Variants in KCNIP4 observed in about 807,000 individuals in gnomAD.
KCNIP4 encodes the protein Kv channel-interacting protein 4.
KCNIP4 carries 12 observed loss-of-function variants against 34.0 expected under a neutral mutation model. The observed-to-expected ratio is 0.35, with a 90% CI of 0.23 to 0.57. KCNIP4 has a LOEUF of 0.57. Ranked by LOEUF, KCNIP4 falls within the 20% of genes least tolerant of loss-of-function variation. The probability of loss-of-function intolerance (pLI) is 0.83; values close to 1 mark genes in which losing one functional copy is unlikely to be tolerated. For missense variants in KCNIP4, 238 were observed against 311.7 expected (o/e 0.76, Z 1.78); for synonymous variants, 124 against 102.2 (o/e 1.21, Z -1.29).
At chr4:21,445,064 C>CA (rs1560412677) in intron 1 of KCNIP4, among the ~76,000 whole-genome samples, 1 of 152,154 alleles carries the variant, frequency 6.6e-6, no homozygotes, top group African/African-American at 2.4e-5. Flanking sequence ...ATCCAACTTA[C>CA]AAGGGATGTG....
chr4:21,037,441 C>G (rs1317600146), intron 1 of KCNIP4, among the ~76,000 whole-genome samples: 2 of 152,170 alleles, frequency 1.3e-5, no homozygotes, highest in African/African-American at 2.4e-5. Context: ...CAAATACTTA[C>G]CACTGTGTTA....
intron 1 of KCNIP4, among the ~76,000 whole-genome samples, chr4:21,853,511 C>T (rs1724546015): frequency 1.3e-5 from 2 of 152,056 alleles, no homozygotes; most frequent in African/African-American, 2.4e-5. Flanking sequence ...TCAGTGTTTC[C>T]ATGATCATTT....
At chr4:21,352,683 C>T (rs1718136428) in intron 1 of KCNIP4, among the ~76,000 whole-genome samples, 1 of 152,260 alleles carries the variant, frequency 6.6e-6, no homozygotes, top group South Asian at 2.1e-4. Flanking sequence ...CTATAGATTC[C>T]ACCTCTGTGG....
chr4:21,138,674 C>T (rs1342845356), intron 1 of KCNIP4, among the ~76,000 whole-genome samples: 1 of 151,926 alleles, frequency 6.6e-6, no homozygotes, highest in Non-Finnish European at 1.5e-5. Flanking sequence ...ATGTGATTAC[C>T]TTAAGGATCT....
At chr4:21,629,326 G>T (rs968234902) in intron 1 of KCNIP4, among the ~76,000 whole-genome samples, 1 of 152,178 alleles carries the variant, frequency 6.6e-6, no homozygotes, top group African/African-American at 2.4e-5. Flanking sequence ...TGATTGTATT[G>T]CATCACTGAA....
intron 1 of KCNIP4, among the ~76,000 whole-genome samples, chr4:21,499,493 T>G (rs1434144864): frequency 1.3e-5 from 2 of 152,112 alleles, no homozygotes; most frequent in Non-Finnish European, 2.9e-5. Context: ...TTTTAAATGA[T>G]AGCATAAATG....
intron 1 of KCNIP4, among the ~76,000 whole-genome samples, chr4:20,978,398 G>C (rs1192226362): frequency 6.6e-6 from 1 of 152,166 alleles, no homozygotes; most frequent in Non-Finnish European, 1.5e-5. Flanking sequence ...ATGGCATTCA[G>C]GTCATAATTT....
intron 1 of KCNIP4, among the ~76,000 whole-genome samples, chr4:20,952,513 C>T (rs1732883925): frequency 1.3e-5 from 2 of 151,928 alleles, no homozygotes; most frequent in East Asian, 3.9e-4. Context: ...GTAAATTTTG[C>T]TGAAACAAAA....
chr4:21,198,016 T>C (rs1040844511), intron 1 of KCNIP4, among the ~76,000 whole-genome samples: 6 of 152,126 alleles, frequency 3.9e-5, no homozygotes, highest in African/African-American at 1.4e-4. Flanking sequence ...TAAAAAGAAG[T>C]GTTAACAAGG....
intron 1 of KCNIP4, among the ~76,000 whole-genome samples, chr4:21,209,746 C>T (rs1407379629): frequency 6.6e-6 from 1 of 151,898 alleles, no homozygotes; most frequent in Non-Finnish European, 1.5e-5. Flanking sequence ...GTGTCTTGTA[C>T]AGTGTTGAGA....
chr4:21,151,235 C>G (rs775753183), intron 1 of KCNIP4, among the ~76,000 whole-genome samples: 1 of 151,944 alleles, frequency 6.6e-6, no homozygotes, highest in Non-Finnish European at 1.5e-5. Flanking sequence ...TATCATCAAT[C>G]GAGTCCTAAG....
intron 1 of KCNIP4, among the ~76,000 whole-genome samples, chr4:21,666,499 C>T (rs1029332644): frequency 6.6e-6 from 1 of 152,240 alleles, no homozygotes; most frequent in African/African-American, 2.4e-5. Flanking sequence ...TGTCAGCACA[C>T]GTATTTATAT....
intron 1 of KCNIP4, among the ~76,000 whole-genome samples, chr4:21,356,540 A>C (rs1394913615): frequency 6.6e-6 from 1 of 152,218 alleles, no homozygotes; most frequent in African/African-American, 2.4e-5. Flanking sequence ...ACACAGAGCC[A>C]AATCATGAGT....
intron 1 of KCNIP4, among the ~76,000 whole-genome samples, chr4:21,332,971 C>G (rs184990498): frequency 6.6e-6 from 1 of 152,124 alleles, no homozygotes; most frequent in African/African-American, 2.4e-5. Context: ...CTGTAATACA[C>G]CAAGGTCTTT....
At position 21,198,625 on chromosome 4, in the gene KCNIP4, T is replaced by C. The variant is rs144028921; in HGVS notation, c.62-315916A>G. Among the ~76,000 whole-genome samples, 551 of 152,304 alleles carry C rather than the reference T, an allele frequency of 3.6e-3. 2 individuals carry two copies. The highest frequency in any genetic ancestry group is 0.014 in the Middle Eastern group (4 of 294). On this transcript the variant is annotated intron_variant, in intron 1 of 8. Coordinates refer to ENST00000382152, the MANE Select transcript of KCNIP4 (RefSeq NM_025221.6). ...AAAGTAGGCCTTGGGTCTGGAACAC[T>C]TCCTTACCAAGAGATAGAGTCCTCA...
In KCNIP4 at chr4:21,504,504, A is replaced by AAGG. The variant is rs1560467080; in HGVS notation, c.61+444066_61+444067insCCT. ...GAAAGAAAGAAAGAAAGAAAGAAAG[A>AAGG]AAGGAAGGAAGGAAGAAAGCAAGCA... On this transcript the variant is annotated intron_variant, in intron 1 of 8. Coordinates refer to ENST00000382152, the MANE Select transcript of KCNIP4 (RefSeq NM_025221.6). 1.3e-3 allele frequency among the ~76,000 whole-genome samples: 178 copies of AAGG among 133,512 alleles called. 7 individuals carry two copies. Among genetic ancestry groups the AAGG allele is most frequent in the South Asian group, 7.7e-4 (3 of 3,908 alleles). The allele number at this position is 133,512 out of a possible 152,430, so 87.6% of individuals were successfully genotyped here.
intron 1 of KCNIP4, among the ~76,000 whole-genome samples, chr4:21,863,563 G>GGA (rs1725236448): frequency 1.3e-5 from 2 of 152,264 alleles, no homozygotes; most frequent in Admixed American, 1.3e-4. Context: ...AAGGAAGAGA[G>GGA]GCACAGAACA....
chr4:21,241,309 TA>T (rs921042626), intron 1 of KCNIP4, among the ~76,000 whole-genome samples: 4 of 151,768 alleles, frequency 2.6e-5, no homozygotes, highest in Non-Finnish European at 4.4e-5. Flanking sequence ...TCTCAAGACT[TA>T]AAAATTTTTT....
Position 21,215,031 on chromosome 4 carries a change from T to C in KCNIP4, c.62-332322A>G, listed in dbSNP as rs143660110. On this transcript the variant is annotated intron_variant, in intron 1 of 8. Transcript: ENST00000382152. ...GTGTTCACTAGTAGCCCTTATCTAC[T>C]GAATCGTAACAGCACTTAATCTTAT... Among the ~76,000 whole-genome samples the C allele has an allele frequency of 3.1e-4, 47 of 152,276 alleles. No individual in the cohort carries two copies. The East Asian group carries it at 9.0e-3, about 29-fold the overall frequency.
Sources: gnomAD v4.1 joint callset for allele counts (sites outside exome capture counted in the v4.1 genomes callset) on GRCh38, gnomAD v4.1.1 for gene constraint, MANE v1.5 for transcripts, NCBI Gene and HGNC (gene_info 2026-07-23, HGNC 2026-07-21) for gene names.